Variants in TTC29 observed in about 807,000 individuals in gnomAD.
The protein encoded by TTC29 is tetratricopeptide repeat protein 29.
In TTC29, 49 loss-of-function variants were observed where a neutral mutation model predicts 58.1. That is an observed-to-expected ratio of 0.84 (90% CI 0.67 to 1.07). The LOEUF is 1.07. Ranked by LOEUF, TTC29 falls within the 50% of genes least tolerant of loss-of-function variation. The pLI, the probability that TTC29 is intolerant of heterozygous loss-of-function variation, is 0.00. For missense variants in TTC29, 582 were observed against 555.6 expected, an observed-to-expected ratio of 1.05 and a Z score of -0.48; for synonymous variants, 209 against 196.8, an observed-to-expected ratio of 1.06 and a Z score of -0.52.
chr4:146,852,974 T>C (rs1342158998), intron 8 of TTC29, among the ~76,000 whole-genome samples: 2 of 152,184 alleles, frequency 1.3e-5, no homozygotes, highest in Non-Finnish European at 2.9e-5. Context: ...TTTAATAATT[T>C]TCTTTAATGT....
At chr4:146,867,330 T>G (rs1730627743) in intron 8 of TTC29, among the ~76,000 whole-genome samples, 168 bp downstream of exon 8, 1 of 152,148 alleles carries the variant, frequency 6.6e-6, no homozygotes, top group South Asian at 2.1e-4. Flanking sequence ...ATAAAACCGA[T>G]TTTTAAAATG....
intron 4 of TTC29, among the ~76,000 whole-genome samples, chr4:146,921,212 G>A (rs1358264525): frequency 6.6e-6 from 1 of 151,234 alleles, no homozygotes; most frequent in Non-Finnish European, 1.5e-5. Context: ...AAACATCTGT[G>A]TATATATAAA....
At chr4:146,927,139 G>C (rs1734998168) in intron 4 of TTC29, among the ~76,000 whole-genome samples, 1 of 150,752 alleles carries the variant, frequency 6.6e-6, no homozygotes, top group East Asian at 1.9e-4. Flanking sequence ...ATGTATAAAT[G>C]TGAGTGTAAT....
At chr4:146,898,458 A>G (rs544386886) in intron 6 of TTC29, among the ~76,000 whole-genome samples, 1 of 152,334 alleles carries the variant, frequency 6.6e-6, no homozygotes, top group African/African-American at 2.4e-5. Context: ...GCTAGTCAGG[A>G]CAGCTGTTTC....
At chr4:146,779,069 T>C (rs1237423654) in intron 11 of TTC29, among the ~76,000 whole-genome samples, 1 of 134,614 alleles carries the variant, frequency 7.4e-6, no homozygotes, top group South Asian at 2.4e-4. Flanking sequence ...CTTTGAACAA[T>C]AAGAAGAGGA....
chr4:146,743,486 G>A (rs1745314140), intron 11 of TTC29, among the ~76,000 whole-genome samples: 1 of 152,194 alleles, frequency 6.6e-6, no homozygotes, highest in African/African-American at 2.4e-5. Context: ...AAGCAGCACA[G>A]CCAGACTGCT....
At chr4:146,809,017 T>A (rs1285520398) in intron 10 of TTC29, among the ~76,000 whole-genome samples, 1 of 150,762 alleles carries the variant, frequency 6.6e-6, no homozygotes, top group African/African-American at 2.4e-5. Flanking sequence ...CAAAACAGCA[T>A]GGTACTGGTA....
intron 2 of TTC29, among the ~76,000 whole-genome samples, chr4:146,941,872 G>GGA (rs1254739713): frequency 2.0e-5 from 3 of 152,144 alleles, no homozygotes; most frequent in African/African-American, 7.2e-5. Context: ...GAAATACAGG[G>GGA]GAGAGAGAGT....
intron 6 of TTC29, among the ~76,000 whole-genome samples, chr4:146,891,353 G>GC (rs1165057265): frequency 1.4e-4 from 21 of 152,152 alleles, no homozygotes; most frequent in African/African-American, 4.6e-4. Context: ...CTAGGTGGGG[G>GC]AGAAAGGCTA....
In TTC29 at chr4:146,877,785, G is replaced by C. The variant is rs141467083; in HGVS notation, c.587-2857C>G. Among the ~76,000 whole-genome samples the C allele has an allele frequency of 8.1e-3, 1,234 of 152,268 alleles. 7 individuals are homozygous for C. Among genetic ancestry groups the C allele is most frequent in the Non-Finnish European group, 0.012 (786 of 68,018 alleles). ...TAGAATACTGTGAGAAAAACAGATA[G>C]TTCCAGAATAGATATGGATCATAAA... On this transcript the variant is annotated intron_variant, in intron 6 of 12. Transcript: ENST00000325106.
intron 11 of TTC29, among the ~76,000 whole-genome samples, chr4:146,759,274 A>C (rs555302066): frequency 2.6e-5 from 4 of 152,298 alleles, no homozygotes; most frequent in African/African-American, 9.6e-5. Flanking sequence ...CCTAGCTTAA[A>C]TCAGGAAGAA....
At chr4:146,914,823 C>T (rs920239872) in intron 4 of TTC29, among the ~76,000 whole-genome samples, 4 of 152,028 alleles carry the variant, frequency 2.6e-5, no homozygotes, top group Non-Finnish European at 5.9e-5. Context: ...TAAAAAAATG[C>T]AGAGATTTAA....
intron 11 of TTC29, among the ~76,000 whole-genome samples, chr4:146,779,033 A>G (rs1365682120): frequency 6.6e-6 from 1 of 150,958 alleles, no homozygotes; most frequent in Non-Finnish European, 1.5e-5. Context: ...ATGCTGTTGT[A>G]AGACTTACGG....
At chr4:146,761,410 CTT>C (rs1333856075) in intron 11 of TTC29, among the ~76,000 whole-genome samples, 1 of 151,878 alleles carries the variant, frequency 6.6e-6, no homozygotes, top group East Asian at 1.9e-4. Flanking sequence ...AGAAGATTCT[CTT>C]GTGTCACAAA....
At chr4:146,892,424 G>A (rs935858832) in intron 6 of TTC29, among the ~76,000 whole-genome samples, 3 of 152,110 alleles carry the variant, frequency 2.0e-5, no homozygotes, top group African/African-American at 4.8e-5. Context: ...CAGAACCAAC[G>A]ACAAAAACCA....
At chr4:146,782,565 A>T (rs924080572) in intron 11 of TTC29, among the ~76,000 whole-genome samples, 1 of 151,942 alleles carries the variant, frequency 6.6e-6, no homozygotes, top group Non-Finnish European at 1.5e-5. Flanking sequence ...ATTCAATGCA[A>T]TACTTAGCTC....
chr4:146,833,726 G>T, intron 9 of TTC29, 80 bp downstream of exon 9: 1 of 1,098,760 alleles, frequency 9.1e-7, no homozygotes, highest in Non-Finnish European at 1.4e-6. Context: ...GTAATGGAAA[G>T]CGACAGACCT....
In TTC29 at chr4:146,833,805, CCTCT is replaced by C; in HGVS notation, c.974_977del (p.Gln325ProfsTer5). 6.2e-7 allele frequency: 1 copy of C among 1,611,446 alleles called. No individual in the cohort carries two copies. Among genetic ancestry groups the C allele is most frequent in the South Asian group, 1.1e-5 (1 of 91,012 alleles). On this transcript the variant is annotated frameshift_variant and splice_region_variant, in exon 9 of 13. Transcript: ENST00000325106. LOFTEE classifies it high-confidence loss of function. Reference sequence around the variant, plus strand: ...AGCAAGATGAGAATGTGCTAACTTACCTCTGCAGGACCTTGGCTATGGCTTCATA... The same window carrying C: ...AGCAAGATGAGAATGTGCTAACTTACGCAGGACCTTGGCTATGGCTTCATA...
chr4:146,846,868 G>A (rs1729206199), intron 8 of TTC29, among the ~76,000 whole-genome samples: 1 of 152,068 alleles, frequency 6.6e-6, no homozygotes, highest in Admixed American at 6.6e-5. Context: ...ATCCATGAAA[G>A]CCTTGAAAAA....
Sources: gnomAD v4.1 joint callset for allele counts (sites outside exome capture counted in the v4.1 genomes callset) on GRCh38, gnomAD v4.1.1 for gene constraint, MANE v1.5 for transcripts, NCBI Gene and HGNC (gene_info 2026-07-23, HGNC 2026-07-21) for gene names.